ZNF585B: variants seen among roughly 807,000 people sequenced by gnomAD.
ZNF585B encodes zinc finger protein 585B, also known as zinc finger protein 41-like protein.
ZNF585B carries 7 observed loss-of-function variants against 14.0 expected under a neutral mutation model. The ratio of observed to expected loss-of-function variants is 0.50; its 90% CI spans 0.28 to 0.94. ZNF585B has a LOEUF of 0.94. ZNF585B is among the 40% of genes least tolerant of loss of function. The pLI, the probability that ZNF585B is intolerant of heterozygous loss-of-function variation, is 0.09. For synonymous variants in ZNF585B, 290 were observed against 317.3 expected, an observed-to-expected ratio of 0.91 and a Z score of 0.91; for missense variants, 750 against 924.4, an observed-to-expected ratio of 0.81 and a Z score of 2.45.
intron 4 of ZNF585B, among the ~76,000 whole-genome samples, chr19:37,188,399 T>G (rs900832029): frequency 6.6e-6 from 1 of 152,130 alleles, no homozygotes; most frequent in Non-Finnish European, 1.5e-5. Flanking sequence ...GGCAAGAGAA[T>G]CGCTTGAACC....
At chr19:37,203,218 T>C (rs1972550870) in intron 2 of ZNF585B, among the ~76,000 whole-genome samples, 1 of 152,158 alleles carries the variant, frequency 6.6e-6, no homozygotes, top group Non-Finnish European at 1.5e-5. Flanking sequence ...GTTGAAACCA[T>C]AACTGCTTTT....
chr19:37,207,396 G>C, intron 1 of ZNF585B, 142 bp from the exon 2 acceptor site: 2 of 485,728 alleles, frequency 4.1e-6, no homozygotes, highest in Admixed American at 3.5e-5. Context: ...TGGAGGGCTT[G>C]TTAAAACATA....
Position 37,184,488 on chromosome 19 carries a change from GAAAGAA to G in ZNF585B, c.*733_*738del, listed in dbSNP as rs1282270461. 2 of 118,546 alleles carry G rather than the reference GAAAGAA, an allele frequency of 1.7e-5. No individual in the cohort carries two copies. The highest frequency in any genetic ancestry group is 9.0e-5 in the Admixed American group (1 of 11,056). The allele number at this position is 118,546 out of a possible 1,614,324, so 7.3% of individuals were successfully genotyped here. A position where few individuals can be genotyped will look rare whatever the true frequency, so the allele number is the denominator to read the frequency against. On this transcript the variant is annotated 3_prime_UTR_variant, in exon 5 of 5. Transcript: ENST00000532828. ...AGAAAGAAAGAAAGAAAGAAAGAAA[GAAAGAA>G]AGAAAGAAAGAGAAAGAAAGAAAGA... is the stretch of plus-strand genomic sequence containing the variant.
intron 1 of ZNF585B, 92 bp from the exon 2 acceptor site, chr19:37,207,346 G>A (rs1265604076): frequency 2.0e-6 from 2 of 983,558 alleles, no homozygotes; most frequent in Non-Finnish European, 2.8e-6. Flanking sequence ...CTAGAAACCA[G>A]AGCAGTGGTT....
At chr19:37,200,499 G>A (rs1311552998) in intron 2 of ZNF585B, among the ~76,000 whole-genome samples, 47 of 143,618 alleles carry the variant, frequency 3.3e-4, no homozygotes, top group Non-Finnish European at 4.8e-4. Context: ...GCAGTGAGCC[G>A]AGATCGTGCC....
Position 37,181,728 on chromosome 19 carries a change from G to A in ZNF585B, c.*3499C>T, listed in dbSNP as rs1467304099. The A allele has an allele frequency of 2.0e-5, 3 of 148,674 alleles. No individual in the cohort carries two copies. 9.2% of individuals were successfully genotyped at this position (148,674 alleles called of 1,614,324 possible). ...AAAAAAAAAAGAGCTAGCAAGCTAC[G>A]AAAAGACATGGAAGAAACTTAAATC... On this transcript the variant is annotated 3_prime_UTR_variant, in exon 5 of 5. Coordinates refer to ENST00000532828, the MANE Select transcript of ZNF585B (RefSeq NM_152279.4).
At position 37,204,949 on chromosome 19, in the gene ZNF585B, T is replaced by C. The variant is rs1311690018; in HGVS notation, c.72+2091A>G. ...TTTTAGTAGAGACGGGGCGTCACCATGTTGGCTAGGCTGGTCTCGAACTCC... is the reference window on the plus strand; with the variant it reads ...TTTTAGTAGAGACGGGGCGTCACCACGTTGGCTAGGCTGGTCTCGAACTCC... On this transcript the variant is annotated intron_variant, in intron 2 of 4. Transcript: ENST00000532828. Among the ~76,000 whole-genome samples, 4 of 152,022 alleles carry C rather than the reference T, an allele frequency of 2.6e-5. No individual in the cohort carries two copies. In the East Asian group the frequency reaches 5.8e-4, roughly 22 times the overall value.
In ZNF585B at chr19:37,184,428, A is replaced by AAGAGAAAGAAAGAAAGAG. The variant is rs59685400; in HGVS notation, c.*798_*799insCTCTTTCTTTCTTTCTCT. On this transcript the variant is annotated 3_prime_UTR_variant, in exon 5 of 5. Coordinates refer to ENST00000532828, the MANE Select transcript of ZNF585B (RefSeq NM_152279.4). Reference sequence around the variant, plus strand: ...AGAAAGAAAGAAAGAGAAAGAAAGAAAAAGAAAGAAAGAAGGAAAGAAAGA... The same window carrying AAGAGAAAGAAAGAAAGAG: ...AGAAAGAAAGAAAGAGAAAGAAAGAAAGAGAAAGAAAGAAAGAGAAAGAAAGAAAGAAGGAAAGAAAGA... 7.6e-5 allele frequency: 4 copies of AAGAGAAAGAAAGAAAGAG among 52,466 alleles called. 1 individual carries two copies. The East Asian group carries it at 1.7e-3, about 23-fold the overall frequency. The allele number at this position is 52,466 out of a possible 1,614,324, so 3.3% of individuals were successfully genotyped here.
In ZNF585B at chr19:37,183,098, T is replaced by G. The variant is rs1225807679; in HGVS notation, c.*2129A>C. 3 of 152,128 alleles carry G rather than the reference T, an allele frequency of 2.0e-5. No individual in the cohort carries two copies. Among genetic ancestry groups the G allele is most frequent in the Admixed American group, 6.6e-5 (1 of 15,266 alleles). 9.4% of individuals were successfully genotyped at this position (152,128 alleles called of 1,614,324 possible). Reference sequence around the variant, plus strand: ...AAAATGAGCAGGGAGTCTTTTGCAATCATGTTGGAGCTGTGGGATTCTGGA... The same window carrying G: ...AAAATGAGCAGGGAGTCTTTTGCAAGCATGTTGGAGCTGTGGGATTCTGGA... On this transcript the variant is annotated 3_prime_UTR_variant, in exon 5 of 5. Transcript: ENST00000532828.
chr19:37,198,878 A>G, intron 2 of ZNF585B: 1 of 1,006,172 alleles, frequency 9.9e-7, no homozygotes. Context: ...GGAAGTGGAA[A>G]GAAAAGTACT....
At chr19:37,193,503 G>A (rs1223194350) in intron 2 of ZNF585B, among the ~76,000 whole-genome samples, 1 of 151,504 alleles carries the variant, frequency 6.6e-6, no homozygotes. Flanking sequence ...CTAAGGCCAG[G>A]GCAGGGGCTC....
At chr19:37,202,425 A>G (rs1295797720) in intron 2 of ZNF585B, among the ~76,000 whole-genome samples, 1 of 152,226 alleles carries the variant, frequency 6.6e-6, no homozygotes, top group Non-Finnish European at 1.5e-5. Flanking sequence ...AACAAGGTTG[A>G]GAATAATTTC....
Position 37,186,907 on chromosome 19 carries a change from T to G in ZNF585B, c.630A>C (p.Gly210=). The change falls in exon 5 of 5, where the codon GGA becomes GGC. Residue 210 remains glycine, a synonymous_variant. Coordinates refer to ENST00000532828, the MANE Select transcript of ZNF585B (RefSeq NM_152279.4). ...SLFRHHRIHT[G]EKLYECSECG... ...ATTCACTACATTCATATAGTTTTTC[T>G]CCGGTATGAATTCTGTGATGCCTGA... 3 of 1,614,072 alleles carry G rather than the reference T, an allele frequency of 1.9e-6. No homozygotes were observed. The South Asian group carries it at 3.3e-5, about 18-fold the overall frequency.
At chr19:37,199,382 A>C in intron 2 of ZNF585B, 1 of 377,904 alleles carries the variant, frequency 2.6e-6, no homozygotes, top group Non-Finnish European at 5.3e-6. Flanking sequence ...AAATTTCGCC[A>C]GTTCTATTGG....
At chr19:37,189,614 T>C in intron 4 of ZNF585B, 47 bp downstream of exon 4, 1 of 1,603,536 alleles carries the variant, frequency 6.2e-7, no homozygotes. Context: ...TGAGATTTCC[T>C]CCTGTCTCCC....
At chr19:37,209,583 A>T (rs770787419) in intron 1 of ZNF585B, among the ~76,000 whole-genome samples, 6 of 152,194 alleles carry the variant, frequency 3.9e-5, no homozygotes, top group Non-Finnish European at 7.3e-5. Flanking sequence ...TATCCATAAC[A>T]ATACAAATTA....
chr19:37,198,010 G>A (rs921265849), intron 2 of ZNF585B, among the ~76,000 whole-genome samples: 5 of 152,068 alleles, frequency 3.3e-5, no homozygotes, highest in Non-Finnish European at 5.9e-5. Context: ...TGCCAGGAAT[G>A]TGTAGAGAAG....
intron 2 of ZNF585B, chr19:37,198,924 A>AT: frequency 7.1e-7 from 1 of 1,402,024 alleles, no homozygotes; most frequent in Non-Finnish European, 9.5e-7. Flanking sequence ...TAAAATTATG[A>AT]TTTTTGAAAG....
intron 1 of ZNF585B, among the ~76,000 whole-genome samples, chr19:37,209,959 C>T (rs1972629635): frequency 6.6e-6 from 1 of 152,002 alleles, no homozygotes; most frequent in Non-Finnish European, 1.5e-5. Context: ...TCATGATCCG[C>T]CCGCCTGGGT....
Sources: allele counts gnomAD v4.1 joint callset (sites outside exome capture counted in the v4.1 genomes callset), GRCh38; gene constraint gnomAD v4.1.1; transcripts MANE v1.5; gene names NCBI Gene and HGNC (gene_info 2026-07-23, HGNC 2026-07-21).